The following PDE3A variants were observed in gnomAD, a reference collection of about 807,000 sequenced individuals.
PDE3A encodes the protein phosphodiesterase 3A, also known as cGMP-inhibited 3',5'-cyclic phosphodiesterase 3A.
PDE3A carries 43 observed loss-of-function variants against 98.3 expected under a neutral mutation model. The ratio of observed to expected loss-of-function variants is 0.44; its 90% CI spans 0.34 to 0.56. The LOEUF (loss-of-function observed/expected upper bound fraction) is 0.56, where lower values mean the gene tolerates loss of function less well. Ranked by LOEUF, PDE3A falls within the 20% of genes least tolerant of loss-of-function variation. The probability of loss-of-function intolerance (pLI) is 0.01; values close to 1 mark genes in which losing one functional copy is unlikely to be tolerated. For missense variants in PDE3A, 1,427 were observed against 1,440.7 expected, an observed-to-expected ratio of 0.99 and a Z score of 0.15; for synonymous variants, 663 against 567.9, an observed-to-expected ratio of 1.17 and a Z score of -2.38.
At chr12:20,498,525 G>A (rs74066466) in intron 1 of PDE3A, among the ~76,000 whole-genome samples, 1 of 151,638 alleles carries the variant, frequency 6.6e-6, no homozygotes, top group Non-Finnish European at 1.5e-5. Flanking sequence ...TAAAGTGAAC[G>A]GGAGAATGTG....
intron 2 of PDE3A, among the ~76,000 whole-genome samples, chr12:20,570,776 G>T (rs1358356727): frequency 2.6e-5 from 4 of 152,050 alleles, no homozygotes; most frequent in African/African-American, 4.8e-5. Context: ...CTGTAACTAT[G>T]CTCTTCATTT....
chr12:20,543,952 A>G (rs1310393268), intron 1 of PDE3A, among the ~76,000 whole-genome samples: 1 of 151,904 alleles, frequency 6.6e-6, no homozygotes, highest in Non-Finnish European at 1.5e-5. Flanking sequence ...CAAAGACATT[A>G]TATAACTTGT....
intron 1 of PDE3A, among the ~76,000 whole-genome samples, chr12:20,418,361 G>T (rs1944456915): frequency 6.6e-6 from 1 of 152,136 alleles, no homozygotes; most frequent in Non-Finnish European, 1.5e-5. Flanking sequence ...GAGGAATGCA[G>T]ATGACTGATT....
chr12:20,485,892 G>A (rs1945718608), intron 1 of PDE3A, among the ~76,000 whole-genome samples: 2 of 152,094 alleles, frequency 1.3e-5, no homozygotes. Flanking sequence ...TCATTCAGAT[G>A]AGTTCTTTGG....
At chr12:20,371,298 C>T (rs1943470268) in intron 1 of PDE3A, 4 of 958,672 alleles carry the variant, frequency 4.2e-6, no homozygotes, top group Non-Finnish European at 5.0e-6. Context: ...GAAGGGTATG[C>T]CTCCCTAGTT....
chr12:20,386,458 T>C lies in PDE3A; in HGVS notation c.960+16214T>C, dbSNP rs149086085. The stretch of plus-strand genomic sequence containing the variant: ...TTGAGAAATGTCTGTTTATGGCCTT[T>C]GTCCACTTTTTAATGGGGTTGGGGT... On this transcript the variant is annotated intron_variant, in intron 1 of 15. Transcript: ENST00000359062. 6.7e-3 allele frequency among the ~76,000 whole-genome samples: 1,013 copies of C among 151,276 alleles called. 8 individuals are homozygous for C. Among genetic ancestry groups the C allele is most frequent in the African/African-American group, 0.023 (969 of 41,274 alleles).
rs569693109 is a variant in PDE3A, at chr12:20,496,998, A to G, written c.961-59662A>G. On this transcript the variant is annotated intron_variant, in intron 1 of 15. Coordinates refer to ENST00000359062, the MANE Select transcript of PDE3A (RefSeq NM_000921.5). ...GTACTTGAATTCCACTTGCTGTAGT[A>G]TCTCAAAGTTTCAGCGTTATCTTGG... is the stretch of plus-strand genomic sequence containing the variant. Among the ~76,000 whole-genome samples the G allele has an allele frequency of 1.1e-4, 16 of 152,312 alleles. 1 individual carries two copies. The highest frequency in any genetic ancestry group is 3.8e-4 in the African/African-American group (16 of 41,586).
intron 15 of PDE3A, among the ~76,000 whole-genome samples, chr12:20,666,595 G>A (rs1945319018): frequency 1.3e-5 from 2 of 152,080 alleles, no homozygotes; most frequent in South Asian, 4.1e-4. Context: ...TAATGATGCT[G>A]CAAATGTCAT....
chr12:20,676,236 GA>G (rs1476103573), intron 15 of PDE3A, among the ~76,000 whole-genome samples: 1 of 152,100 alleles, frequency 6.6e-6, no homozygotes, highest in Non-Finnish European at 1.5e-5. Flanking sequence ...CAGCCTCCCT[GA>G]GGTATTTCTT....
At position 20,430,278 on chromosome 12, in the gene PDE3A, G is replaced by A. The variant is rs143425171; in HGVS notation, c.960+60034G>A. ...AAAAATAACTGGCCTTTGAGAAAGA[G>A]TACACCTTTAAAATTTTTGAAGGCC... On this transcript the variant is annotated intron_variant, in intron 1 of 15. Coordinates refer to ENST00000359062, the MANE Select transcript of PDE3A (RefSeq NM_000921.5). Among the ~76,000 whole-genome samples, 676 of 152,150 alleles carry A rather than the reference G, an allele frequency of 4.4e-3. 5 individuals are homozygous for A. Among genetic ancestry groups the A allele is most frequent in the African/African-American group, 0.016 (650 of 41,530 alleles).
chr12:20,677,128 A>T (rs1945660891), intron 15 of PDE3A, among the ~76,000 whole-genome samples: 1 of 152,138 alleles, frequency 6.6e-6, no homozygotes, highest in Non-Finnish European at 1.5e-5. Flanking sequence ...TCTATTGTTA[A>T]AACTTTTGAA....
chr12:20,554,371 AAT>A (rs1247561053), intron 1 of PDE3A, among the ~76,000 whole-genome samples: 2 of 5,620 alleles, frequency 3.6e-4, no homozygotes, highest in African/African-American at 3.8e-4. Context: ...AAAAAAAAAA[AAT>A]AAAAAAAATA....
chr12:20,386,162 T>TAAATATATAAATATATATAAATATATAA (rs1943789489), intron 1 of PDE3A, among the ~76,000 whole-genome samples: 1 of 87,976 alleles, frequency 1.1e-5, no homozygotes, highest in African/African-American at 4.4e-5. Flanking sequence ...TAAATATATA[T>TAAATATATAAATATATATAAATATATAA]AAATATATAA....
chr12:20,542,026 A>G (rs55975172), intron 1 of PDE3A, among the ~76,000 whole-genome samples: 43,315 of 151,978 alleles, frequency 0.29, 7,171 homozygotes, highest in East Asian at 0.55. Context: ...GGGTCGCGTA[A>G]TGGGGCTAGT....
At chr12:20,402,848 A>C (rs1400480477) in intron 1 of PDE3A, among the ~76,000 whole-genome samples, 1 of 152,212 alleles carries the variant, frequency 6.6e-6, no homozygotes, top group Admixed American at 6.5e-5. Flanking sequence ...TATAATCCTA[A>C]GTGAGCTGTA....
intron 1 of PDE3A, among the ~76,000 whole-genome samples, chr12:20,393,201 A>G (rs143293045): frequency 0.012 from 1,754 of 152,134 alleles, 31 homozygotes; most frequent in African/African-American, 0.04. Flanking sequence ...TTACAAAAGA[A>G]AGAGGTTTAA....
chr12:20,596,580 G>A (rs1459274772), intron 2 of PDE3A, among the ~76,000 whole-genome samples: 2 of 152,090 alleles, frequency 1.3e-5, no homozygotes, highest in African/African-American at 4.8e-5. Flanking sequence ...CTTCCTTTTA[G>A]CAATAGAAGT....
rs974229441 is a variant in PDE3A, at chr12:20,681,729, GTTTGT to G, written c.*1468_*1472del. The G allele has an allele frequency of 3.3e-5, 5 of 151,320 alleles. No homozygotes were observed. The highest frequency in any genetic ancestry group is 1.2e-4 in the African/African-American group (5 of 41,150). The allele number at this position is 151,320 out of a possible 1,614,324, so 9.4% of individuals were successfully genotyped here. A position where few individuals can be genotyped will look rare whatever the true frequency, so the allele number is the denominator to read the frequency against. ...GTTATTATTGAAAGTCTTTTTTTTT[GTTTGT>G]TTTGTTTTGGTTTGTTTGTTTATCT... On this transcript the variant is annotated 3_prime_UTR_variant, in exon 16 of 16. Transcript: ENST00000359062.
At chr12:20,468,074 T>A (rs1229242131) in intron 1 of PDE3A, among the ~76,000 whole-genome samples, 1 of 150,862 alleles carries the variant, frequency 6.6e-6, no homozygotes, top group Non-Finnish European at 1.5e-5. Context: ...TTGTCCCATA[T>A]GTTTAAACAA....
Sources: gnomAD v4.1 joint callset for allele counts (sites outside exome capture counted in the v4.1 genomes callset) on GRCh38, gnomAD v4.1.1 for gene constraint, MANE v1.5 for transcripts, NCBI Gene and HGNC (gene_info 2026-07-23, HGNC 2026-07-21) for gene names.